The following CCDC127 variants were observed in gnomAD, a reference collection of about 807,000 sequenced individuals.
CCDC127 encodes coiled-coil domain-containing protein 127.
In CCDC127, 2 loss-of-function variants were observed where a neutral mutation model predicts 4.1. The observed-to-expected ratio is 0.49, with a 90% confidence interval of 0.20 to 1.53. The LOEUF (loss-of-function observed/expected upper bound fraction) is 1.53, where lower values mean the gene tolerates loss of function less well. CCDC127 is among the 40% of genes most tolerant of loss of function. The pLI, the probability that CCDC127 is intolerant of heterozygous loss-of-function variation, is 0.23. For synonymous variants in CCDC127, 98 were observed against 120.4 expected (o/e 0.81, Z 1.22); for missense variants, 271 against 322.9 (o/e 0.84, Z 1.23).
In CCDC127 at chr5:203,719, CA is replaced by C. The variant is rs1465523816; in HGVS notation, c.*1577del. ...CCTGCCTGGCCACACACTATCAAAT[CA>C]CTGCACACAGGTTACTCGCGGTTCT... On this transcript the variant is annotated 3_prime_UTR_variant, in exon 3 of 3. Coordinates refer to ENST00000296824, the MANE Select transcript of CCDC127 (RefSeq NM_145265.3). 1 of 152,258 alleles carries C rather than the reference CA, an allele frequency of 6.6e-6. No individual in the cohort carries two copies. The highest frequency in any genetic ancestry group is 1.9e-4 in the East Asian group (1 of 5,202). The allele number at this position is 152,258 out of a possible 1,614,324, so 9.4% of individuals were successfully genotyped here. A position where few individuals can be genotyped will look rare whatever the true frequency, so the allele number is the denominator to read the frequency against.
rs1733975142 is a variant in CCDC127 at position 197,259 on chromosome 5, A to G, written c.*8038T>C. On this transcript the variant is annotated 3_prime_UTR_variant, in exon 3 of 3. Transcript: ENST00000296824. ...AATCGGGTTTTACACCGCGACATTC[A>G]GTTCCCAGCGGCGAGCAGGAGACAG... 1 of 152,238 alleles carries G rather than the reference A, an allele frequency of 6.6e-6. No individual in the cohort carries two copies. The highest frequency in any genetic ancestry group is 2.4e-5 in the African/African-American group (1 of 41,432). 9.4% of individuals were successfully genotyped at this position (152,238 alleles called of 1,614,324 possible).
intron 2 of CCDC127, among the ~76,000 whole-genome samples, chr5:211,432 G>T: frequency 1.1e-4 from 1 of 9,016 alleles, no homozygotes; most frequent in Admixed American, 7.3e-4. Flanking sequence ...ACACCCATCA[G>T]GATGGGGCAG....
At chr5:207,989 G>A (rs1734211813) in intron 2 of CCDC127, among the ~76,000 whole-genome samples, 2 of 152,218 alleles carry the variant, frequency 1.3e-5, no homozygotes, top group East Asian at 1.9e-4. Context: ...GCTGGACAGG[G>A]AGCCAGGCAG....
At chr5:214,100 T>G (rs1335313454) in intron 2 of CCDC127, 1 of 152,256 alleles carries the variant, frequency 6.6e-6, no homozygotes, top group African/African-American at 2.4e-5. Context: ...GGTTATATAC[T>G]GTTTGATTCC....
At position 205,965 on chromosome 5, in the gene CCDC127, T is replaced by G. The variant is rs369181576; in HGVS notation, c.122-7A>C. 15 of 1,588,698 alleles carry G rather than the reference T, an allele frequency of 9.4e-6. No individual in the cohort carries two copies. In the African/African-American group the frequency reaches 2.0e-4, roughly 22 times the overall value. On this transcript the variant is annotated splice_polypyrimidine_tract_variant and splice_region_variant and intron_variant, in intron 2 of 2. Coordinates refer to ENST00000296824, the MANE Select transcript of CCDC127 (RefSeq NM_145265.3). ...TCCCTAGACCAAATCCAACCTGACA[T>G]GAATGAAGAAAAATACACATAATGA...
intron 2 of CCDC127, chr5:214,712 A>G (rs1249686011): frequency 6.6e-6 from 1 of 152,098 alleles, no homozygotes; most frequent in African/African-American, 2.4e-5. Flanking sequence ...AATTACACAC[A>G]TTTCTATGTT....
At chr5:207,046 C>A (rs562694840) in intron 2 of CCDC127, among the ~76,000 whole-genome samples, 69 of 152,188 alleles carry the variant, frequency 4.5e-4, no homozygotes, top group Non-Finnish European at 8.8e-4. Flanking sequence ...CCTCCCCCAA[C>A]CCAGGTGGTG....
At chr5:217,079 C>T (rs1395575060) in intron 1 of CCDC127, 9 of 441,778 alleles carry the variant, frequency 2.0e-5, no homozygotes, top group Non-Finnish European at 3.6e-5. Context: ...TGCAGTGAGT[C>T]GAGGTCGCGC....
At chr5:210,642 G>C (rs1186533510) in intron 2 of CCDC127, among the ~76,000 whole-genome samples, 6 of 148,326 alleles carry the variant, frequency 4.0e-5, no homozygotes, top group Admixed American at 2.0e-4. Flanking sequence ...TGGGGCAGAC[G>C]GGACAGCAGT....
At position 205,681 on chromosome 5, in the gene CCDC127, C is replaced by G. The variant is rs1734157230; in HGVS notation, c.399G>C (p.Gln133His). ...AATACGCACTTCTCAAAGGCTGCACCTGTCTTTTTTCTTGCATCACCTGGG... is the reference window on the plus strand; with the variant it reads ...AATACGCACTTCTCAAAGGCTGCACGTGTCTTTTTTCTTGCATCACCTGGG... The part of the protein sequence containing the change: ...ERAQVMQEKR[Q>H]VQPLRSAYLS... Residue 133 changes from glutamine to histidine, a missense_variant, in exon 3 of 3, where the codon CAG becomes CAC. Physicochemically the swap from Gln to His is conservative, Grantham distance 24. Coordinates refer to ENST00000296824, the MANE Select transcript of CCDC127 (RefSeq NM_145265.3). The G allele has an allele frequency of 6.2e-6, 10 of 1,614,122 alleles. No individual in the cohort carries two copies. The highest frequency in any genetic ancestry group is 3.3e-4 in the Middle Eastern group (2 of 6,062).
rs1254167315 is a variant in CCDC127, at chr5:197,292, CT to C, written c.*8004del. On this transcript the variant is annotated 3_prime_UTR_variant, in exon 3 of 3. Transcript: ENST00000296824. ...GCGGCGAGCAGGAGACAGTGGACTT[CT>C]CTCTCTCAACTGCAAGAGGCTTTCG... The C allele has an allele frequency of 1.3e-5, 2 of 152,100 alleles. No homozygotes were observed. The highest frequency in any genetic ancestry group is 2.4e-5 in the African/African-American group (1 of 41,418). 9.4% of individuals were successfully genotyped at this position (152,100 alleles called of 1,614,324 possible). A position where few individuals can be genotyped will look rare whatever the true frequency, so the allele number is the denominator to read the frequency against.
intron 2 of CCDC127, among the ~76,000 whole-genome samples, chr5:208,424 T>C (rs72720500): frequency 0.066 from 10,125 of 152,286 alleles, 538 homozygotes; most frequent in Non-Finnish European, 0.089. Context: ...AGGACCACGA[T>C]AGAGGCCTGG....
At chr5:213,973 G>A (rs1734328678) in intron 2 of CCDC127, 1 of 152,204 alleles carries the variant, frequency 6.6e-6, no homozygotes, top group Non-Finnish European at 1.5e-5. Context: ...AACACACTGT[G>A]GTACGTCCAT....
Position 205,654 on chromosome 5 carries a change from C to T in CCDC127, c.426G>A (p.Leu142=). 1 of 1,614,168 alleles carries T rather than the reference C, an allele frequency of 6.2e-7. No individual in the cohort carries two copies. Among genetic ancestry groups the T allele is most frequent in the Non-Finnish European group, 8.5e-7 (1 of 1,180,018 alleles). Residue 142 remains leucine (L), a synonymous_variant, in exon 3 of 3, where the codon TTG becomes TTA. Transcript: ENST00000296824. ...AGTTTTCTTCCCTTTGCAGGCAGCT[C>T]AAATACGCACTTCTCAAAGGCTGCA... ...RQVQPLRSAY[L]SCLQREENWQ...
chr5:216,337 A>G (rs1453114498), intron 2 of CCDC127: 6 of 229,374 alleles, frequency 2.6e-5, no homozygotes, highest in Non-Finnish European at 5.3e-5. Context: ...CGCCCAGCCC[A>G]CTGGTTTCCT....
Position 203,629 on chromosome 5 carries a change from C to A in CCDC127, c.*1668G>T, listed in dbSNP as rs1433790592. ...AGGATTTTTAACAGTTGCTCCTACTCCCGTACAGACGGGCAGGAGGGGAGA... is the reference window on the plus strand; with the variant it reads ...AGGATTTTTAACAGTTGCTCCTACTACCGTACAGACGGGCAGGAGGGGAGA... On this transcript the variant is annotated 3_prime_UTR_variant, in exon 3 of 3. Coordinates refer to ENST00000296824, the MANE Select transcript of CCDC127 (RefSeq NM_145265.3). The A allele has an allele frequency of 6.6e-6, 1 of 152,210 alleles. No individual in the cohort carries two copies. The highest frequency in any genetic ancestry group is 2.4e-5 in the African/African-American group (1 of 41,458). The allele number at this position is 152,210 out of a possible 1,614,324, so 9.4% of individuals were successfully genotyped here. A position where few individuals can be genotyped will look rare whatever the true frequency, so the allele number is the denominator to read the frequency against.
At chr5:207,894 C>G (rs557435517) in intron 2 of CCDC127, among the ~76,000 whole-genome samples, 1 of 152,270 alleles carries the variant, frequency 6.6e-6, no homozygotes, top group East Asian at 1.9e-4. Flanking sequence ...ACACACCAAA[C>G]CACTGGAAAA....
chr5:201,569 T>A lies in CCDC127; in HGVS notation c.*3728A>T, dbSNP rs1011431964. ...CATATGCACGCATATGAAATATATA[T>A]GCAAATTATATATCCTTATGGATGA... On this transcript the variant is annotated 3_prime_UTR_variant, in exon 3 of 3. Coordinates refer to ENST00000296824, the MANE Select transcript of CCDC127 (RefSeq NM_145265.3). 2.6e-5 allele frequency: 4 copies of A among 152,160 alleles called. No individual in the cohort carries two copies. The highest frequency in any genetic ancestry group is 9.7e-5 in the African/African-American group (4 of 41,442). 9.4% of individuals were successfully genotyped at this position (152,160 alleles called of 1,614,324 possible).
intron 2 of CCDC127, among the ~76,000 whole-genome samples, chr5:209,831 A>C (rs1299643848): frequency 6.6e-6 from 1 of 152,246 alleles, no homozygotes; most frequent in Non-Finnish European, 1.5e-5. Context: ...AATCAATGCA[A>C]TCTAACACAT....
Sources: gnomAD v4.1 joint callset for allele counts (sites outside exome capture counted in the v4.1 genomes callset) on GRCh38, gnomAD v4.1.1 for gene constraint, MANE v1.5 for transcripts, NCBI Gene and HGNC (gene_info 2026-07-23, HGNC 2026-07-21) for gene names.